Variants in POT1 observed in about 807,000 individuals in gnomAD.
POT1 encodes protection of telomeres protein 1.
In POT1, 47 loss-of-function variants were observed where a neutral mutation model predicts 78.5. The ratio of observed to expected loss-of-function variants is 0.60; its 90% CI spans 0.47 to 0.76. The LOEUF (loss-of-function observed/expected upper bound fraction) is 0.76. POT1 is among the 30% of genes least tolerant of loss of function. POT1 has a pLI of 0.00. For synonymous variants in POT1, 259 were observed against 260.7 expected, an observed-to-expected ratio of 0.99 and a Z score of 0.06; for missense variants, 646 against 749.9, an observed-to-expected ratio of 0.86 and a Z score of 1.62.
intron 6 of POT1, among the ~76,000 whole-genome samples, chr7:124,890,219 T>A (rs1796336807): frequency 6.6e-6 from 1 of 151,844 alleles, no homozygotes; most frequent in Non-Finnish European, 1.5e-5. Context: ...GCAGATGTGG[T>A]GGAAACAGTA....
At chr7:124,863,734 T>C in intron 7 of POT1, 94 bp from the exon 8 acceptor site, 1 of 1,024,224 alleles carries the variant, frequency 9.8e-7, no homozygotes, top group Non-Finnish European at 1.4e-6. Flanking sequence ...GATTATCAAT[T>C]TTGCCAGCAT....
intron 14 of POT1, among the ~76,000 whole-genome samples, chr7:124,837,388 G>A (rs1443677597): frequency 2.0e-5 from 3 of 151,906 alleles, no homozygotes; most frequent in African/African-American, 7.3e-5. Flanking sequence ...ATGTTTCAGA[G>A]GAAGTTAAAT....
intron 3 of POT1, among the ~76,000 whole-genome samples, chr7:124,904,053 C>G (rs1475987692): frequency 6.6e-6 from 1 of 152,094 alleles, no homozygotes; most frequent in Non-Finnish European, 1.5e-5. Flanking sequence ...AAGTCCAGGA[C>G]CAGACAGATC....
intron 15 of POT1, among the ~76,000 whole-genome samples, chr7:124,832,252 C>CA (rs372881075): frequency 0.59 from 44,732 of 75,570 alleles, 12,358 homozygotes; most frequent in East Asian, 0.74. Context: ...ACACTGTCTC[C>CA]AAAAAAAAAA....
At chr7:124,901,624 T>TC (rs1166768252) in intron 3 of POT1, among the ~76,000 whole-genome samples, 2 of 152,120 alleles carry the variant, frequency 1.3e-5, no homozygotes, top group Admixed American at 1.3e-4. Flanking sequence ...CCTCTTCTCC[T>TC]CCAAAGGATC....
intron 2 of POT1, among the ~76,000 whole-genome samples, chr7:124,926,699 G>C (rs988940487): frequency 1.3e-5 from 2 of 152,040 alleles, no homozygotes; most frequent in African/African-American, 4.8e-5. Context: ...CATCGATGGA[G>C]GACTGGATTT....
At chr7:124,851,637 G>A (rs1795308094) in intron 11 of POT1, among the ~76,000 whole-genome samples, 1 of 152,176 alleles carries the variant, frequency 6.6e-6, no homozygotes, top group South Asian at 2.1e-4. Flanking sequence ...CATATGATAT[G>A]TATATATCAT....
At chr7:124,886,933 A>G (rs1796256039) in intron 6 of POT1, among the ~76,000 whole-genome samples, 1 of 152,100 alleles carries the variant, frequency 6.6e-6, no homozygotes, top group Non-Finnish European at 1.5e-5. Flanking sequence ...TTGCAGATCA[A>G]CTTGTTAAAA....
chr7:124,909,688 C>G (rs1563018159), intron 3 of POT1, among the ~76,000 whole-genome samples: 1 of 151,834 alleles, frequency 6.6e-6, no homozygotes, highest in Non-Finnish European at 1.5e-5. Flanking sequence ...TAGTTCTATT[C>G]TATTTTAATG....
At chr7:124,838,744 T>C (rs1183059710) in intron 14 of POT1, among the ~76,000 whole-genome samples, 1 of 152,136 alleles carries the variant, frequency 6.6e-6, no homozygotes, top group East Asian at 1.9e-4. Context: ...TAGTTGGGAT[T>C]ACAGGTATGC....
intron 14 of POT1, among the ~76,000 whole-genome samples, chr7:124,838,224 A>T (rs182079206): frequency 1.5e-4 from 23 of 152,280 alleles, no homozygotes; most frequent in African/African-American, 5.1e-4. Context: ...AAAGGTATAC[A>T]TATTAGGAAG....
At chr7:124,882,083 ATTAAG>A (rs991344125) in intron 6 of POT1, among the ~76,000 whole-genome samples, 1 of 152,008 alleles carries the variant, frequency 6.6e-6, no homozygotes, top group African/African-American at 2.4e-5. Context: ...ACTCAGTATG[ATTAAG>A]TGTAAATTGC....
chr7:124,924,177 G>C (rs1292336734), intron 2 of POT1, among the ~76,000 whole-genome samples: 1 of 145,822 alleles, frequency 6.9e-6, no homozygotes, highest in Non-Finnish European at 1.5e-5. Flanking sequence ...AAACCCAAAG[G>C]ATCAATGAAA....
chr7:124,867,463 C>G (rs1200753504), intron 7 of POT1, among the ~76,000 whole-genome samples: 5 of 152,094 alleles, frequency 3.3e-5, no homozygotes, highest in African/African-American at 4.8e-5. Context: ...GGTCTTATTT[C>G]TGTTTCTCCA....
At chr7:124,898,802 G>C (rs542785592) in intron 3 of POT1, among the ~76,000 whole-genome samples, 3 of 152,108 alleles carry the variant, frequency 2.0e-5, no homozygotes, top group South Asian at 2.1e-4. Flanking sequence ...CAAATACAGG[G>C]CATGGACATA....
At chr7:124,923,061 C>A (rs1488012975) in intron 2 of POT1, among the ~76,000 whole-genome samples, 1 of 151,396 alleles carries the variant, frequency 6.6e-6, no homozygotes, top group Non-Finnish European at 1.5e-5. Flanking sequence ...CAAGCAATTG[C>A]TACACTAGAT....
Position 124,851,333 on chromosome 7 carries a change from A to G in POT1, c.949+539T>C, listed in dbSNP as rs1169276446. 3.3e-5 allele frequency among the ~76,000 whole-genome samples: 5 copies of G among 152,184 alleles called. No homozygotes were observed. In the East Asian group the frequency reaches 9.7e-4, roughly 29 times the overall value. ...CAAACAAAAACCCAGAAATTAAGAC[A>G]AAGTGGTAAAGGAAAAAACAATGCA... On this transcript the variant is annotated intron_variant, in intron 11 of 18. Coordinates refer to ENST00000357628, the MANE Select transcript of POT1 (RefSeq NM_015450.3).
intron 6 of POT1, among the ~76,000 whole-genome samples, chr7:124,887,175 G>C (rs564814547): frequency 4.2e-4 from 64 of 152,110 alleles, no homozygotes; most frequent in Non-Finnish European, 6.5e-4. Context: ...ATGTTGAACA[G>C]TATGATGGGG....
intron 7 of POT1, among the ~76,000 whole-genome samples, chr7:124,865,797 C>G (rs563495837): frequency 7.2e-5 from 11 of 152,022 alleles, no homozygotes; most frequent in African/African-American, 2.7e-4. Flanking sequence ...GCCTTGACCT[C>G]CCGGGCTCAA....
Sources: allele counts gnomAD v4.1 joint callset (sites outside exome capture counted in the v4.1 genomes callset), GRCh38; gene constraint gnomAD v4.1.1; transcripts MANE v1.5; gene names NCBI Gene and HGNC (gene_info 2026-07-23, HGNC 2026-07-21).